DNAH1: variants seen among roughly 807,000 people sequenced by gnomAD.
The protein encoded by DNAH1 is axonemal beta dynein heavy chain 1.
Under a neutral mutation model 484.3 loss-of-function variants are expected in DNAH1, and 327 were observed. That is an observed-to-expected ratio of 0.68 (90% confidence interval 0.62 to 0.74). The LOEUF is 0.74. Among genes scored for constraint, DNAH1 ranks in the 30% least tolerant of loss-of-function variants. The probability of loss-of-function intolerance (pLI) is 0.00; values close to 1 mark genes in which losing one functional copy is unlikely to be tolerated. For missense variants in DNAH1, 5,052 were observed against 5,546.8 expected, an observed-to-expected ratio of 0.91 and a Z score of 2.83; for synonymous variants, 2,192 against 2,191.9, an observed-to-expected ratio of 1.00 and a Z score of 0.00.
chr3:52,342,050 A>G (rs989681384), intron 8 of DNAH1, among the ~76,000 whole-genome samples: 1 of 152,232 alleles, frequency 6.6e-6, no homozygotes, highest in African/African-American at 2.4e-5. Flanking sequence ...GCTTCTTTAT[A>G]TTAGGCGGTC....
rs922853412 is a variant in DNAH1, at chr3:52,381,573, G to T, written c.7609-67G>T. 3 of 1,431,492 alleles carry T rather than the reference G, an allele frequency of 2.1e-6. No homozygotes were observed. Among genetic ancestry groups the T allele is most frequent in the Non-Finnish European group, 2.8e-6 (3 of 1,056,158 alleles). The allele number at this position is 1,431,492 out of a possible 1,614,324, so 88.7% of individuals were successfully genotyped here. ...AGGACAGAGAAGAAAGCGGGTGGGT[G>T]GGGGGAATCGGGGAGACCCTACAGT... On this transcript the variant is annotated intron_variant, in intron 48 of 77. Transcript: ENST00000420323. The surrounding 1 kb of genome is among the most constrained non-coding windows in gnomAD (Gnocchi z 4.1).
At chr3:52,378,851 C>T in intron 47 of DNAH1, 71 bp downstream of exon 47, 1 of 1,581,876 alleles carries the variant, frequency 6.3e-7, no homozygotes, top group Non-Finnish European at 8.6e-7. Context: ...CCACCAATTT[C>T]AGGCCTTCCT....
upstream of DNAH1, among the ~76,000 whole-genome samples, chr3:52,313,141 G>T (rs1211762479): frequency 6.6e-6 from 1 of 152,210 alleles, no homozygotes; most frequent in African/African-American, 2.4e-5. Context: ...GAAAGACAGT[G>T]GGGTGGGTAC....
upstream of DNAH1, among the ~76,000 whole-genome samples, chr3:52,315,292 C>T (rs1700912958): frequency 6.6e-6 from 1 of 152,224 alleles, no homozygotes; most frequent in Non-Finnish European, 1.5e-5. Context: ...GCGGGTAGCT[C>T]AGCCACTCAG....
At chr3:52,331,090 A>T in intron 6 of DNAH1, 58 bp from the exon 7 acceptor site, 1 of 1,532,154 alleles carries the variant, frequency 6.5e-7, no homozygotes. Context: ...CAGCACTCAG[A>T]GGCCCCTTCC....
At chr3:52,317,697 G>C (rs996091713) in intron 1 of DNAH1, among the ~76,000 whole-genome samples, 1 of 152,230 alleles carries the variant, frequency 6.6e-6, no homozygotes, top group Non-Finnish European at 1.5e-5. Context: ...TGCCGATCGG[G>C]GCATATGCTG....
At chr3:52,338,329 G>A (rs1216296145) in intron 8 of DNAH1, among the ~76,000 whole-genome samples, 3 of 152,062 alleles carry the variant, frequency 2.0e-5, no homozygotes, top group African/African-American at 4.8e-5. Context: ...GGCTGTTTTC[G>A]AACTCCTGAC....
In DNAH1 at chr3:52,358,776, A is replaced by C. The variant is rs1279628822; in HGVS notation, c.4266+39A>C. ...AGCCCGTGCAGCCTTCCACCCCTGC[A>C]CCCCTCTGCTCCCTCTCAGTGCCCC... On this transcript the variant is annotated intron_variant, in intron 25 of 77. Transcript: ENST00000420323. This position sits in a 1 kb window ranked among gnomAD's most constrained non-coding sequence, Gnocchi z 4.2. 1.2e-6 allele frequency: 2 copies of C among 1,607,372 alleles called. No homozygotes were observed. Among genetic ancestry groups the C allele is most frequent in the Non-Finnish European group, 1.7e-6 (2 of 1,178,048 alleles).
At position 52,392,460 on chromosome 3, in the gene DNAH1, GC is replaced by G; in HGVS notation, c.10053-3del. 6.2e-7 allele frequency: 1 copy of G among 1,613,122 alleles called. No homozygotes were observed. Among genetic ancestry groups the G allele is most frequent in the African/African-American group, 1.3e-5 (1 of 75,024 alleles). The stretch of plus-strand genomic sequence containing the variant: ...ACAGACTTGGTGTCCCCTGCCCCCG[GC>G]AGTGGCCTAGAGGACCAGCTACTGG... On this transcript the variant is annotated splice_polypyrimidine_tract_variant and splice_region_variant and intron_variant, in intron 63 of 77. Transcript: ENST00000420323.
At chr3:52,398,757 ATTGT>A in intron 75 of DNAH1, 89 bp from the exon 76 acceptor site, 1 of 1,149,340 alleles carries the variant, frequency 8.7e-7, no homozygotes, top group Non-Finnish European at 1.2e-6. Flanking sequence ...ATGTTTTGCC[ATTGT>A]TTTTCACTCT....
chr3:52,356,883 G>C, intron 22 of DNAH1, 105 bp downstream of exon 22: 2 of 1,360,860 alleles, frequency 1.5e-6, no homozygotes, highest in Non-Finnish European at 2.0e-6. Context: ...AAAGGCTGGT[G>C]GACAAGCCTG....
intron 56 of DNAH1, among the ~76,000 whole-genome samples, 162 bp from the exon 57 acceptor site, chr3:52,388,005 C>G (rs1278185219): frequency 1.3e-5 from 2 of 152,182 alleles, no homozygotes; most frequent in Non-Finnish European, 2.9e-5. Context: ...TTCTGGCCAG[C>G]CTTTCTGGGC....
intron 50 of DNAH1, among the ~76,000 whole-genome samples, 168 bp from the exon 51 acceptor site, chr3:52,383,218 C>T (rs1283391595): frequency 6.6e-6 from 1 of 152,226 alleles, no homozygotes; most frequent in Admixed American, 6.5e-5. Context: ...AAGTCCTAGA[C>T]TATGACTACA....
Position 52,357,695 on chromosome 3 carries a change from C to T in DNAH1, c.3940C>T (p.Leu1314Phe), listed in dbSNP as rs1418008220. ...GATTCTGGACCTGGTGCAGAAGGGCCTCAGCGAGTATCTGGAGACCAAGAG... is the reference window on the plus strand; with the variant it reads ...GATTCTGGACCTGGTGCAGAAGGGCTTCAGCGAGTATCTGGAGACCAAGAG... ...NKILDLVQKGLSEYLETKRSA... is the reference protein window; with the variant it reads ...NKILDLVQKGFSEYLETKRSA... The change falls in exon 23 of 78, where the codon CTC becomes TTC. Residue 1314 changes from leucine (L) to phenylalanine (F), a missense_variant. Around this residue, in one of 4 missense-constraint regions of DNAH1, gnomAD observed 2,929 missense variants for 3,409.4 expected, o/e 0.86. Transcript: ENST00000420323. 24 of 1,589,012 alleles carry T rather than the reference C, an allele frequency of 1.5e-5. No individual in the cohort carries two copies. The highest frequency in any genetic ancestry group is 2.0e-5 in the Non-Finnish European group (23 of 1,167,374).
chr3:52,351,178 G>A (rs1374756729), intron 16 of DNAH1, among the ~76,000 whole-genome samples: 1 of 152,224 alleles, frequency 6.6e-6, no homozygotes, highest in Admixed American at 6.5e-5. Flanking sequence ...GTGGACCTAG[G>A]GTTTCCTGTT....
intron 75 of DNAH1, among the ~76,000 whole-genome samples, 191 bp from the exon 76 acceptor site, chr3:52,398,659 A>G (rs1289993191): frequency 6.6e-6 from 1 of 151,954 alleles, no homozygotes; most frequent in African/African-American, 2.4e-5. Flanking sequence ...TCCGTAAGCT[A>G]TCCAAGTCCA....
In DNAH1 at chr3:52,361,626, A is replaced by G; in HGVS notation, c.4875-35A>G. The stretch of plus-strand genomic sequence containing the variant: ...GAGGTGCCCAGATTGGGCTCTGAAC[A>G]CATGTGCCCCATCCAATGTTCCGGC... On this transcript the variant is annotated intron_variant, in intron 29 of 77. Transcript: ENST00000420323. The surrounding 1 kb of genome is among the most constrained non-coding windows in gnomAD (Gnocchi z 5.6). The G allele has an allele frequency of 1.3e-6, 2 of 1,563,176 alleles. No homozygotes were observed. Among genetic ancestry groups the G allele is most frequent in the Non-Finnish European group, 1.7e-6 (2 of 1,151,830 alleles).
chr3:52,400,384 C>T lies in DNAH1; in HGVS notation c.12736C>T (p.His4246Tyr), dbSNP rs1343604692. ...TGTCATTGCTGTGGAGATCCCCACCCATCAGCCCCAGCGACACTGGATAAA... is the reference window on the plus strand; with the variant it reads ...TGTCATTGCTGTGGAGATCCCCACCTATCAGCCCCAGCGACACTGGATAAA... ...NYVIAVEIPTHQPQRHWIKRG... is the reference protein window; with the variant it reads ...NYVIAVEIPTYQPQRHWIKRG... Residue 4246 changes from histidine (H) to tyrosine (Y), a missense_variant, in exon 78 of 78, where the codon CAT (histidine) becomes TAT (tyrosine). Transcript: ENST00000420323. 6 of 1,613,928 alleles carry T rather than the reference C, an allele frequency of 3.7e-6. No homozygotes were observed. Among genetic ancestry groups the T allele is most frequent in the African/African-American group, 1.3e-5 (1 of 74,940 alleles).
In DNAH1 at chr3:52,383,555, G is replaced by A; in HGVS notation, c.8111G>A (p.Gly2704Glu). 6.2e-7 allele frequency: 1 copy of A among 1,609,456 alleles called. No homozygotes were observed. Among genetic ancestry groups the A allele is most frequent in the Admixed American group, 1.7e-5 (1 of 59,358 alleles). ...TKANLMAAYT[G>E]RVRSNIHMVL... ...GCCAACCTCATGGCTGCTTACACAG[G>A]GCGTGTGCGCAGCAACATCCACATG... is the stretch of plus-strand genomic sequence containing the variant. Residue 2704 changes from glycine to glutamate, a missense_variant, in exon 51 of 78, where the codon GGG becomes GAG. Physicochemically the swap from Gly to Glu is moderately conservative, Grantham distance 98 (BLOSUM62 -2). Around this residue, in one of 4 missense-constraint regions of DNAH1, gnomAD observed 2,929 missense variants for 3,409.4 expected, o/e 0.86. Transcript: ENST00000420323.
Sources: allele counts gnomAD v4.1 joint callset (sites outside exome capture counted in the v4.1 genomes callset), GRCh38; gene constraint gnomAD v4.1.1; regional missense constraint gnomAD v4.1.1; non-coding constraint Gnocchi (gnomAD v3.1); transcripts MANE v1.5; gene names NCBI Gene and HGNC (gene_info 2026-07-23, HGNC 2026-07-21).